The following CSGALNACT1 variants were observed in gnomAD, a reference collection of about 807,000 sequenced individuals.
CSGALNACT1 encodes beta4GalNAcT-1.
A neutral mutation model predicts 51.0 loss-of-function variants in CSGALNACT1; 52 were observed. The observed-to-expected ratio is 1.02, with a 90% CI of 0.82 to 1.29. The LOEUF (loss-of-function observed/expected upper bound fraction) is 1.29, where lower values mean the gene tolerates loss of function less well. Ranked by LOEUF, CSGALNACT1 falls within the 50% of genes most tolerant of loss-of-function variation. The pLI is 0.00. For synonymous variants in CSGALNACT1, 341 were observed against 254.4 expected (o/e 1.34, Z -3.24); for missense variants, 935 against 679.2 (o/e 1.38, Z -4.19).
rs1406563210 is a variant in CSGALNACT1 at position 19,662,064 on chromosome 8, ACCCCCCCCCACCCCC to A, written c.-544+20394_-544+20408del. 1.1e-4 allele frequency among the ~76,000 whole-genome samples: 4 copies of A among 37,112 alleles called. 1 individual carries two copies. The highest frequency in any genetic ancestry group is 1.2e-3 in the South Asian group (1 of 820). The allele number at this position is 37,112 out of a possible 152,430, so 24.3% of individuals were successfully genotyped here. On this transcript the variant is annotated intron_variant, in intron 1 of 9. Coordinates refer to the CSGALNACT1 transcript ENST00000332246. The stretch of plus-strand genomic sequence containing the variant: ...CTTTCCCACTATTACAGTTGCCCCC[ACCCCCCCCCACCCCC>A]CCCCCCCCCCGCATCTTCAGCAGCT...
rs1186216767 is a variant in CSGALNACT1 at position 19,408,468 on chromosome 8, C to CTTTTTTTT, written c.1309+137_1309+144dup. The CTTTTTTTT allele has an allele frequency of 8.1e-5, 38 of 469,684 alleles. 5 individuals carry two copies. The African/African-American group carries it at 1.3e-3, about 17-fold the overall frequency. 29.1% of individuals were successfully genotyped at this position (469,684 alleles called of 1,614,324 possible). ...AGCCACCGCACCTAGTCTGGAATAG[C>CTTTTTTTT]TTTTTTTTTTTTTTTTTTTTTTTTT... On this transcript the variant is annotated intron_variant, in intron 9 of 9. Transcript: ENST00000454498.
chr8:19,663,511 C>A (rs1423245256), intron 1 of CSGALNACT1, among the ~76,000 whole-genome samples: 1 of 152,176 alleles, frequency 6.6e-6, no homozygotes, highest in African/African-American at 2.4e-5. Flanking sequence ...ACAAGCAACT[C>A]TGTTCCAAAG....
intron 3 of CSGALNACT1, among the ~76,000 whole-genome samples, chr8:19,568,965 T>C (rs993390151): frequency 1.3e-5 from 2 of 152,176 alleles, no homozygotes; most frequent in African/African-American, 4.8e-5. Context: ...CCAGAATCCA[T>C]TATTAAAATA....
chr8:19,591,777 T>C (rs1212590297), intron 2 of CSGALNACT1, among the ~76,000 whole-genome samples: 2 of 151,960 alleles, frequency 1.3e-5, no homozygotes, highest in Non-Finnish European at 2.9e-5. Context: ...AATGTAAATA[T>C]AAAGATAAAA....
chr8:19,627,311 A>C (rs997439837), intron 1 of CSGALNACT1, among the ~76,000 whole-genome samples: 2 of 152,186 alleles, frequency 1.3e-5, no homozygotes, highest in Non-Finnish European at 2.9e-5. Context: ...GATTCCACTT[A>C]TGTGGCATTC....
In CSGALNACT1 at chr8:19,466,538, C is replaced by T. The variant is rs2066723494; in HGVS notation, c.635-7896G>A. Among the ~76,000 whole-genome samples the T allele has an allele frequency of 3.3e-5, 5 of 152,288 alleles. No individual in the cohort carries two copies. The South Asian group carries it at 1.0e-3, about 32-fold the overall frequency. On this transcript the variant is annotated intron_variant, in intron 4 of 9. Transcript: ENST00000454498. ...TATTTTTTATACTATTTTGTTGTCT[C>T]ACTTATCCAGAAAATTCTGCTCAGA...
chr8:19,492,031 C>A (rs1222319222), intron 4 of CSGALNACT1, among the ~76,000 whole-genome samples: 1 of 152,176 alleles, frequency 6.6e-6, no homozygotes, highest in Admixed American at 6.5e-5. Flanking sequence ...TAAACATATT[C>A]ATAACTTAAG....
At chr8:19,516,010 G>A (rs1328059406) in intron 3 of CSGALNACT1, among the ~76,000 whole-genome samples, 3 of 152,140 alleles carry the variant, frequency 2.0e-5, no homozygotes, top group African/African-American at 7.2e-5. Flanking sequence ...TGAGTCAGCT[G>A]CCAAACCCCG....
chr8:19,581,938 C>A (rs186705230), intron 3 of CSGALNACT1, among the ~76,000 whole-genome samples: 1 of 152,266 alleles, frequency 6.6e-6, no homozygotes, highest in Admixed American at 6.5e-5. Flanking sequence ...GAAAATTATT[C>A]ATCTTAGTTA....
intron 3 of CSGALNACT1, among the ~76,000 whole-genome samples, chr8:19,584,414 A>T (rs985625222): frequency 3.3e-5 from 5 of 152,258 alleles, no homozygotes; most frequent in African/African-American, 1.2e-4. Flanking sequence ...TGACACAGTA[A>T]GACTTAGCTT....
chr8:19,715,952 T>A (rs2154236158), intron 1 of CSGALNACT1, among the ~76,000 whole-genome samples: 1 of 152,338 alleles, frequency 6.6e-6, no homozygotes, highest in East Asian at 1.9e-4. Context: ...GCACCATGTC[T>A]CAGAGAAAGT....
At chr8:19,414,960 T>A (rs1447679237) in intron 8 of CSGALNACT1, among the ~76,000 whole-genome samples, 2 of 152,224 alleles carry the variant, frequency 1.3e-5, no homozygotes, top group African/African-American at 4.8e-5. Context: ...TTTTACATCT[T>A]CTCCCCACCT....
intron 1 of CSGALNACT1, among the ~76,000 whole-genome samples, chr8:19,741,022 A>G (rs973159137): frequency 3.3e-5 from 5 of 152,230 alleles, no homozygotes; most frequent in African/African-American, 7.2e-5. Flanking sequence ...GAGGTCATGA[A>G]CTCAACAAAA....
chr8:19,649,282 T>C (rs953053167), intron 1 of CSGALNACT1, among the ~76,000 whole-genome samples: 2 of 151,816 alleles, frequency 1.3e-5, no homozygotes, highest in Non-Finnish European at 2.9e-5. Context: ...AGATATTAGC[T>C]ATGAAAGTAC....
chr8:19,630,984 T>C (rs987290967), intron 1 of CSGALNACT1, among the ~76,000 whole-genome samples: 2 of 152,202 alleles, frequency 1.3e-5, no homozygotes, highest in African/African-American at 2.4e-5. Flanking sequence ...CTAAAGTCCA[T>C]TGTTTTCATT....
At chr8:19,408,953 C>CACACACACACACACACACAT (rs1247153310) in intron 8 of CSGALNACT1, among the ~76,000 whole-genome samples, 1 of 151,080 alleles carries the variant, frequency 6.6e-6, no homozygotes. Context: ...TATGAAAACA[C>CACACACACACACACACACAT]ACACACACAC....
chr8:19,666,554 G>A (rs1340712869), intron 1 of CSGALNACT1, among the ~76,000 whole-genome samples: 1 of 151,610 alleles, frequency 6.6e-6, no homozygotes, highest in Non-Finnish European at 1.5e-5. Context: ...GATTAGCCAG[G>A]TGTGGTGGTG....
intron 4 of CSGALNACT1, among the ~76,000 whole-genome samples, chr8:19,487,993 C>T (rs757526521): frequency 6.6e-6 from 1 of 152,098 alleles, no homozygotes; most frequent in Non-Finnish European, 1.5e-5. Flanking sequence ...TCTCACCTCA[C>T]ATACTGTAAG....
intron 3 of CSGALNACT1, among the ~76,000 whole-genome samples, chr8:19,548,553 TTCTC>T (rs747909177): frequency 0.14 from 20,931 of 152,294 alleles, 39 homozygotes; most frequent in Middle Eastern, 0.18. Flanking sequence ...CTGTTAGTTT[TTCTC>T]AAATATTATT....
Sources: allele counts gnomAD v4.1 joint callset (sites outside exome capture counted in the v4.1 genomes callset), GRCh38; gene constraint gnomAD v4.1.1; transcripts MANE v1.5; gene names NCBI Gene and HGNC (gene_info 2026-07-23, HGNC 2026-07-21).